IMMP2L: variants seen among roughly 807,000 people sequenced by gnomAD.
IMMP2L encodes the protein inner mitochondrial membrane peptidase subunit 2, also known as mitochondrial inner membrane protease subunit 2.
In IMMP2L, 18 loss-of-function variants were observed where a neutral mutation model predicts 19.3. The ratio of observed to expected loss-of-function variants is 0.93; its 90% CI spans 0.64 to 1.38. The LOEUF (loss-of-function observed/expected upper bound fraction) is 1.38. Ranked by LOEUF, IMMP2L falls within the 40% of genes most tolerant of loss-of-function variation. The pLI is 0.00. For synonymous variants in IMMP2L, 76 were observed against 73.0 expected, an observed-to-expected ratio of 1.04 and a Z score of -0.21; for missense variants, 233 against 218.2, an observed-to-expected ratio of 1.07 and a Z score of -0.43.
chr7:111,119,185 G>C (rs1487222014), intron 3 of IMMP2L, among the ~76,000 whole-genome samples: 2 of 152,176 alleles, frequency 1.3e-5, no homozygotes, highest in Non-Finnish European at 2.9e-5. Context: ...TCTCAGCTAA[G>C]TGATTTATGG....
chr7:110,941,216 G>A (rs966768820), intron 4 of IMMP2L, among the ~76,000 whole-genome samples: 3 of 152,202 alleles, frequency 2.0e-5, no homozygotes, highest in Admixed American at 2.0e-4. Flanking sequence ...CCCATATTCA[G>A]GGATATTCTG....
chr7:111,347,156 GA>G (rs1563085769), intron 3 of IMMP2L, among the ~76,000 whole-genome samples: 1 of 152,064 alleles, frequency 6.6e-6, no homozygotes, highest in Admixed American at 6.6e-5. Flanking sequence ...GCTTGAGGAA[GA>G]AGAATTTTGT....
intron 2 of IMMP2L, among the ~76,000 whole-genome samples, chr7:111,493,410 GA>G (rs1161292903): frequency 1.3e-5 from 2 of 151,588 alleles, no homozygotes; most frequent in African/African-American, 4.8e-5. Flanking sequence ...TTATTAAAAA[GA>G]AAAAAAACAG....
At chr7:111,055,330 A>T (rs1253320606) in intron 3 of IMMP2L, among the ~76,000 whole-genome samples, 4 of 152,190 alleles carry the variant, frequency 2.6e-5, no homozygotes, top group Non-Finnish European at 5.9e-5. Flanking sequence ...GGCGTGAGCC[A>T]CCACGCTCAG....
intron 1 of IMMP2L, among the ~76,000 whole-genome samples, chr7:111,560,857 C>A (rs1791963036): frequency 6.6e-6 from 1 of 152,194 alleles, no homozygotes; most frequent in Non-Finnish European, 1.5e-5. Context: ...ATTATGTGGT[C>A]ACCTATCACT....
At chr7:111,039,689 C>T (rs1283448285) in intron 3 of IMMP2L, among the ~76,000 whole-genome samples, 7 of 152,138 alleles carry the variant, frequency 4.6e-5, no homozygotes, top group Admixed American at 4.6e-4. Context: ...TCCAGTTTTA[C>T]TGCATTAATC....
At chr7:111,377,419 T>C (rs1830779915) in intron 3 of IMMP2L, among the ~76,000 whole-genome samples, 1 of 151,988 alleles carries the variant, frequency 6.6e-6, no homozygotes, top group South Asian at 2.1e-4. Context: ...AGTACAGCTC[T>C]ATAGTATAGT....
chr7:111,547,718 T>C (rs923060153), intron 1 of IMMP2L, among the ~76,000 whole-genome samples: 2 of 81,152 alleles, frequency 2.5e-5, no homozygotes, highest in Non-Finnish European at 5.6e-5. Flanking sequence ...ACCACACCAG[T>C]CTAATTTTTT....
chr7:111,086,266 G>GAAAAAAAAAAA (rs569989200), intron 3 of IMMP2L, among the ~76,000 whole-genome samples: 6 of 129,294 alleles, frequency 4.6e-5, no homozygotes, highest in Non-Finnish European at 6.7e-5. Context: ...AAAAAAAAAA[G>GAAAAAAAAAAA]AAAAAAAAAA....
chr7:111,289,031 A>G (rs1820799144), intron 3 of IMMP2L, among the ~76,000 whole-genome samples: 1 of 152,180 alleles, frequency 6.6e-6, no homozygotes, highest in African/African-American at 2.4e-5. Context: ...ATGCCCATCA[A>G]TGATAGACTG....
chr7:111,155,625 T>C (rs548339673), intron 3 of IMMP2L, among the ~76,000 whole-genome samples: 25 of 151,332 alleles, frequency 1.7e-4, no homozygotes, highest in African/African-American at 4.6e-4. Context: ...TAAATTTCCA[T>C]GAAAATGGAA....
chr7:111,020,233 A>C (rs1326112865), intron 3 of IMMP2L, among the ~76,000 whole-genome samples: 1 of 151,860 alleles, frequency 6.6e-6, no homozygotes, highest in Non-Finnish European at 1.5e-5. Context: ...CAAATACAAA[A>C]ATTAGCCAGG....
intron 1 of IMMP2L, among the ~76,000 whole-genome samples, chr7:111,560,882 T>C (rs981481426): frequency 4.6e-5 from 7 of 152,178 alleles, no homozygotes; most frequent in East Asian, 1.9e-4. Context: ...CACAAACAAA[T>C]AGGCACGTTC....
chr7:110,921,862 C>T (rs1476185920), intron 4 of IMMP2L, among the ~76,000 whole-genome samples: 1 of 152,102 alleles, frequency 6.6e-6, no homozygotes, highest in Non-Finnish European at 1.5e-5. Context: ...TAGACTACTC[C>T]AAGATAACTT....
In IMMP2L at chr7:111,138,788, C is replaced by G. The variant is rs1387590008; in HGVS notation, c.240-175223G>C. On this transcript the variant is annotated intron_variant, in intron 3 of 5. Transcript: ENST00000405709. Reference sequence around the variant, plus strand: ...CCTGAAAAGATAGTTAGTTGTTTTGCCAGAAAAAGAGTCCCAGACATTATT... The same window carrying G: ...CCTGAAAAGATAGTTAGTTGTTTTGGCAGAAAAAGAGTCCCAGACATTATT... Among the ~76,000 whole-genome samples the G allele has an allele frequency of 2.0e-5, 3 of 152,146 alleles. No homozygotes were observed. In the East Asian group the frequency reaches 5.8e-4, roughly 29 times the overall value.
intron 3 of IMMP2L, among the ~76,000 whole-genome samples, chr7:110,982,118 T>C (rs1821366911): frequency 1.3e-5 from 2 of 152,310 alleles, no homozygotes; most frequent in Middle Eastern, 3.4e-3. Context: ...AATTTATTAA[T>C]ATATGCATCT....
chr7:111,399,926 T>C (rs1833263235), intron 3 of IMMP2L, among the ~76,000 whole-genome samples: 1 of 152,062 alleles, frequency 6.6e-6, no homozygotes, highest in Admixed American at 6.6e-5. Flanking sequence ...TTTGGCTCTA[T>C]GTAGAACACA....
rs1028264206 is a variant in IMMP2L at position 110,730,807 on chromosome 7, G to A, written c.409-67086C>T. Among the ~76,000 whole-genome samples the A allele has an allele frequency of 3.9e-5, 6 of 152,248 alleles. No individual in the cohort carries two copies. In the East Asian group the frequency reaches 7.8e-4, roughly 20 times the overall value. On this transcript the variant is annotated intron_variant, in intron 5 of 5. Transcript: ENST00000405709. ...CCCAAAGTGCTGGGATTACAGGCGTGAGCCGCCGCGCCCGGCCGGGACTGG... is the reference window on the plus strand; with the variant it reads ...CCCAAAGTGCTGGGATTACAGGCGTAAGCCGCCGCGCCCGGCCGGGACTGG...
chr7:111,065,891 C>T (rs1040325830), intron 3 of IMMP2L, among the ~76,000 whole-genome samples: 8 of 116,642 alleles, frequency 6.9e-5, no homozygotes, highest in Admixed American at 2.1e-4. Context: ...TCTAGAGAAC[C>T]CTAATACAAT....
Sources: gnomAD v4.1 joint callset for allele counts (sites outside exome capture counted in the v4.1 genomes callset) on GRCh38, gnomAD v4.1.1 for gene constraint, MANE v1.5 for transcripts, NCBI Gene and HGNC (gene_info 2026-07-23, HGNC 2026-07-21) for gene names.